Variants in SLC38A1 observed in about 807,000 individuals in gnomAD.
SLC38A1 encodes the protein sodium-coupled neutral amino acid symporter 1.
SLC38A1 carries 18 observed loss-of-function variants against 60.3 expected under a neutral mutation model. The observed-to-expected ratio is 0.30, with a 90% CI of 0.21 to 0.44. SLC38A1 has a LOEUF of 0.44. Ranked by LOEUF, SLC38A1 falls within the 20% of genes least tolerant of loss-of-function variation. The pLI is 1.00. For synonymous variants in SLC38A1, 196 were observed against 212.1 expected, an observed-to-expected ratio of 0.92 and a Z score of 0.66; for missense variants, 448 against 587.2, an observed-to-expected ratio of 0.76 and a Z score of 2.45.
chr12:46,269,022 T>G lies in SLC38A1; in HGVS notation c.-705A>C. The stretch of plus-strand genomic sequence containing the variant: ...TCCTCCCCTCCTGTGCGCCCGCTCT[T>G]TAACCAAAGCTGCGTGTCAGTGAGC... On this transcript the variant is annotated 5_prime_UTR_variant, in exon 1 of 17. Coordinates refer to ENST00000398637, the MANE Select transcript of SLC38A1 (RefSeq NM_030674.4). 3.1e-6 allele frequency: 1 copy of G among 325,578 alleles called. No individual in the cohort carries two copies. Among genetic ancestry groups the G allele is most frequent in the Non-Finnish European group, 6.7e-6 (1 of 149,942 alleles). The allele number at this position is 325,578 out of a possible 1,614,324, so 20.2% of individuals were successfully genotyped here.
chr12:46,246,180 G>A (rs1941608890), intron 1 of SLC38A1, among the ~76,000 whole-genome samples: 1 of 152,128 alleles, frequency 6.6e-6, no homozygotes, highest in African/African-American at 2.4e-5. Context: ...GCCCACAGAG[G>A]GTGAGGCGAA....
intron 16 of SLC38A1, chr12:46,195,804 G>A (rs747170215): frequency 4.7e-5 from 11 of 233,164 alleles, no homozygotes; most frequent in Non-Finnish European, 8.8e-5. Flanking sequence ...TAAGACTGTG[G>A]GAAAAGTGCA....
intron 1 of SLC38A1, among the ~76,000 whole-genome samples, chr12:46,258,930 A>G (rs1942115322): frequency 6.6e-6 from 1 of 152,244 alleles, no homozygotes; most frequent in Non-Finnish European, 1.5e-5. Context: ...CTGGGATTAC[A>G]GGCGTGAGCC....
At chr12:46,243,424 C>A (rs1446976542) in intron 1 of SLC38A1, 110 bp from the exon 2 acceptor site, 1 of 152,136 alleles carries the variant, frequency 6.6e-6, no homozygotes, top group Non-Finnish European at 1.5e-5. Flanking sequence ...AACAAGATAT[C>A]ATTTCCTATC....
intron 12 of SLC38A1, 133 bp from the exon 13 acceptor site, chr12:46,201,331 G>A (rs1939649831): frequency 1.4e-6 from 1 of 695,596 alleles, no homozygotes; most frequent in East Asian, 2.7e-5. Flanking sequence ...AATTACCCCT[G>A]GCAGTTATGC....
At chr12:46,194,302 G>A (rs766918265) in intron 16 of SLC38A1, among the ~76,000 whole-genome samples, 2 of 152,118 alleles carry the variant, frequency 1.3e-5, no homozygotes, top group East Asian at 1.9e-4. Flanking sequence ...CAGAGAGATC[G>A]GCTGTTAGTC....
chr12:46,221,567 T>C lies in SLC38A1; in HGVS notation c.314+7586A>G, dbSNP rs114295984. Among the ~76,000 whole-genome samples the C allele has an allele frequency of 2.8e-3, 420 of 152,328 alleles. 1 individual carries two copies. The highest frequency in any genetic ancestry group is 9.5e-3 in the African/African-American group (393 of 41,576). On this transcript the variant is annotated intron_variant, in intron 5 of 16. Coordinates refer to ENST00000398637, the MANE Select transcript of SLC38A1 (RefSeq NM_030674.4). ...AATTTGCAACAATAATGAAAGCCACTGTTTTGCCCTAAAGCCTTGTTTCTG... is the reference window on the plus strand; with the variant it reads ...AATTTGCAACAATAATGAAAGCCACCGTTTTGCCCTAAAGCCTTGTTTCTG...
intron 16 of SLC38A1, 143 bp downstream of exon 16, chr12:46,197,577 A>G: frequency 1.6e-6 from 1 of 634,372 alleles, no homozygotes; most frequent in Non-Finnish European, 2.8e-6. Context: ...TATTTTAAAT[A>G]TCTCCCAAGT....
At position 46,198,710 on chromosome 12, in the gene SLC38A1, T is replaced by C; in HGVS notation, c.1037A>G (p.Gln346Arg). The part of the protein sequence containing the change: ...NVQSDLLHKY[Q>R]SKDDILILTV... Reference sequence around the variant, plus strand: ...CAGGATGAGAATGTCATCTTTACTCTGATATTTGTGAAGGAGGTCGGACTG... The same window carrying C: ...CAGGATGAGAATGTCATCTTTACTCCGATATTTGTGAAGGAGGTCGGACTG... Residue 346 changes from glutamine to arginine, a missense_variant, in exon 14 of 17, where the codon CAG becomes CGG. Gln to Arg is a conservative substitution (Grantham distance 43, BLOSUM62 1). This residue lies in a region of SLC38A1 where 346 missense variants were observed against 497.5 expected (regional missense o/e 0.70). Transcript: ENST00000398637. 6.2e-7 allele frequency: 1 copy of C among 1,612,690 alleles called. No homozygotes were observed. The highest frequency in any genetic ancestry group is 8.5e-7 in the Non-Finnish European group (1 of 1,179,450).
intron 1 of SLC38A1, among the ~76,000 whole-genome samples, chr12:46,265,844 C>T (rs1018412141): frequency 2.6e-5 from 4 of 152,116 alleles, no homozygotes; most frequent in African/African-American, 9.7e-5. Flanking sequence ...TTTTCTCCAC[C>T]GCCCACTCCC....
intron 2 of SLC38A1, among the ~76,000 whole-genome samples, 198 bp downstream of exon 2, chr12:46,243,001 CT>C (rs1941496349): frequency 6.6e-6 from 1 of 151,626 alleles, no homozygotes; most frequent in South Asian, 2.1e-4. Flanking sequence ...TTTTAGCCTA[CT>C]TTTTTCATTG....
chr12:46,224,932 T>C (rs7970176), intron 5 of SLC38A1, among the ~76,000 whole-genome samples: 98,680 of 152,042 alleles, frequency 0.65, 33,447 homozygotes, highest in Non-Finnish European at 0.75. Context: ...AATCAGACAC[T>C]AAAGTGTCAT....
chr12:46,251,655 C>A (rs543707286), intron 1 of SLC38A1, among the ~76,000 whole-genome samples: 19 of 152,172 alleles, frequency 1.2e-4, no homozygotes, highest in African/African-American at 3.4e-4. Flanking sequence ...AAACAAACAA[C>A]CCCAGCAAAG....
rs1939006776 is a variant in SLC38A1, at chr12:46,188,277, T to G, written c.*693A>C. The G allele has an allele frequency of 6.6e-6, 1 of 152,178 alleles. No homozygotes were observed. The highest frequency in any genetic ancestry group is 1.5e-5 in the Non-Finnish European group (1 of 68,024). The allele number at this position is 152,178 out of a possible 1,614,324, so 9.4% of individuals were successfully genotyped here. ...CATTTAATTACCAAGGTAAGAATCA[T>G]CCCCAACCACTTTTCAGCTGAGAAC... On this transcript the variant is annotated 3_prime_UTR_variant, in exon 17 of 17. Coordinates refer to ENST00000398637, the MANE Select transcript of SLC38A1 (RefSeq NM_030674.4).
chr12:46,236,113 T>C (rs1056883435), intron 3 of SLC38A1, among the ~76,000 whole-genome samples: 1 of 152,242 alleles, frequency 6.6e-6, no homozygotes, highest in East Asian at 1.9e-4. Context: ...TTTACATGAA[T>C]TTCCTCATTT....
At chr12:46,239,022 A>G (rs1001834069) in intron 3 of SLC38A1, 3 of 152,244 alleles carry the variant, frequency 2.0e-5, no homozygotes, top group Non-Finnish European at 4.4e-5. Flanking sequence ...ATATGTACAG[A>G]TGACTGTAGT....
rs191527303 is a variant in SLC38A1 at position 46,267,932 on chromosome 12, C to T, written c.-209+594G>A. Among the ~76,000 whole-genome samples, 10 of 152,322 alleles carry T rather than the reference C, an allele frequency of 6.6e-5. No homozygotes were observed. In the East Asian group the frequency reaches 1.7e-3, roughly 26 times the overall value. ...CTGCAAGCATCCTTTAGTAATTTCT[C>T]CCCGCGCCCTCCTACTTCCCCGCGT... On this transcript the variant is annotated intron_variant, in intron 1 of 16. Transcript: ENST00000398637.
At position 46,203,002 on chromosome 12, in the gene SLC38A1, T is replaced by C. The variant is rs924570480; in HGVS notation, c.902+8A>G. ...CGATTAAGATAAAAAATTAAACAAATTTCTTACTCTTTAAGCTCACTGTAA... is the reference window on the plus strand; with the variant it reads ...CGATTAAGATAAAAAATTAAACAAACTTCTTACTCTTTAAGCTCACTGTAA... On this transcript the variant is annotated splice_region_variant and intron_variant, in intron 12 of 16. Transcript: ENST00000398637. The C allele has an allele frequency of 6.2e-7, 1 of 1,607,676 alleles. No homozygotes were observed. The highest frequency in any genetic ancestry group is 1.7e-5 in the Admixed American group (1 of 59,272).
chr12:46,234,855 TA>T (rs1173715266), intron 3 of SLC38A1, among the ~76,000 whole-genome samples: 1 of 152,216 alleles, frequency 6.6e-6, no homozygotes, highest in African/African-American at 2.4e-5. Context: ...ACTTGCTTGT[TA>T]AAAAACACGA....
Sources: allele counts gnomAD v4.1 joint callset (sites outside exome capture counted in the v4.1 genomes callset), GRCh38; gene constraint gnomAD v4.1.1; regional missense constraint gnomAD v4.1.1; transcripts MANE v1.5; gene names NCBI Gene and HGNC (gene_info 2026-07-23, HGNC 2026-07-21).